Variants in DOCK5 observed in about 807,000 individuals in gnomAD.
The protein encoded by DOCK5 is dedicator of cytokinesis protein 5.
In DOCK5, 142 loss-of-function variants were observed where a neutral mutation model predicts 251.8. That is an observed-to-expected ratio of 0.56 (90% confidence interval 0.49 to 0.65). The LOEUF (loss-of-function observed/expected upper bound fraction) is 0.65, where lower values mean the gene tolerates loss of function less well. Ranked by LOEUF, DOCK5 falls within the 30% of genes least tolerant of loss-of-function variation. The pLI is 0.00. For missense variants in DOCK5, 2,111 were observed against 2,312.3 expected (o/e 0.91, Z 1.79); for synonymous variants, 842 against 835.5 (o/e 1.01, Z -0.13).
intron 47 of DOCK5, among the ~76,000 whole-genome samples, chr8:25,402,432 G>A (rs1445689698): frequency 6.6e-6 from 1 of 152,126 alleles, no homozygotes; most frequent in African/African-American, 2.4e-5. Context: ...GAGTAGCTGG[G>A]ACTACATGTG....
intron 37 of DOCK5, chr8:25,374,951 G>C: frequency 8.1e-7 from 1 of 1,228,042 alleles, no homozygotes; most frequent in African/African-American, 1.6e-5. Flanking sequence ...AAAAAAATTT[G>C]TAAAACTGCA....
At chr8:25,200,622 A>T (rs1336831526) in intron 1 of DOCK5, among the ~76,000 whole-genome samples, 1 of 152,224 alleles carries the variant, frequency 6.6e-6, no homozygotes, top group East Asian at 1.9e-4. Flanking sequence ...AAAACAGTGG[A>T]AGCTCTTAGA....
rs1044211209 is a variant in DOCK5, at chr8:25,375,558, C to G, written c.3816+904C>G. ...CTAGCCAATCCACTTTTCTTTATCT[C>G]CCTGACTACCACCTTGGTCCATCCC... On this transcript the variant is annotated intron_variant, in intron 37 of 51. Transcript: ENST00000276440. 2.7e-5 allele frequency: 11 copies of G among 404,142 alleles called. No homozygotes were observed. In the South Asian group the frequency reaches 3.2e-4, roughly 12 times the overall value. The allele number at this position is 404,142 out of a possible 1,614,324, so 25.0% of individuals were successfully genotyped here.
rs1026013383 is a variant in DOCK5 at position 25,304,449 on chromosome 8, A to G, written c.1049+122A>G. The G allele has an allele frequency of 2.3e-5, 19 of 829,216 alleles. No individual in the cohort carries two copies. The Middle Eastern group carries it at 3.5e-3, about 152-fold the overall frequency. The allele number at this position is 829,216 out of a possible 1,614,324, so 51.4% of individuals were successfully genotyped here. A position where few individuals can be genotyped will look rare whatever the true frequency, so the allele number is the denominator to read the frequency against. On this transcript the variant is annotated intron_variant, in intron 11 of 51. Transcript: ENST00000276440. ...AGAGAAGGAAAGATTCTAAGCTGCAAGATTGTCAGATAGGAGCTGAACAGA... is the reference window on the plus strand; with the variant it reads ...AGAGAAGGAAAGATTCTAAGCTGCAGGATTGTCAGATAGGAGCTGAACAGA...
At chr8:25,252,811 C>T (rs897732356) in intron 2 of DOCK5, among the ~76,000 whole-genome samples, 1 of 152,130 alleles carries the variant, frequency 6.6e-6, no homozygotes, top group African/African-American at 2.4e-5. Context: ...TTTCAGTATG[C>T]TTCTAAAATT....
At chr8:25,325,238 A>G (rs1324241857) in intron 17 of DOCK5, 126 bp from the exon 18 acceptor site, 1 of 929,864 alleles carries the variant, frequency 1.1e-6, no homozygotes, top group East Asian at 2.5e-5. Flanking sequence ...CAGAGGTGGA[A>G]GGGATCTTCA....
At chr8:25,291,199 A>C (rs1804476258) in intron 5 of DOCK5, among the ~76,000 whole-genome samples, 1 of 152,130 alleles carries the variant, frequency 6.6e-6, no homozygotes, top group Non-Finnish European at 1.5e-5. Flanking sequence ...CTAGAGTTTT[A>C]GGGTACATGG....
intron 26 of DOCK5, among the ~76,000 whole-genome samples, chr8:25,350,621 A>G (rs1267803204): frequency 6.6e-6 from 1 of 152,188 alleles, no homozygotes; most frequent in African/African-American, 2.4e-5. Context: ...AACAACAGAC[A>G]TTTATTTTCT....
At chr8:25,362,112 C>T (rs1234357310) in intron 28 of DOCK5, among the ~76,000 whole-genome samples, 1 of 152,180 alleles carries the variant, frequency 6.6e-6, no homozygotes, top group Non-Finnish European at 1.5e-5. Flanking sequence ...TCATCACCAG[C>T]CACTGTTACG....
rs567284315 is a variant in DOCK5, at chr8:25,238,989, T to G, written c.44-4685T>G. Among the ~76,000 whole-genome samples, 6 of 152,184 alleles carry G rather than the reference T, an allele frequency of 3.9e-5. 1 individual carries two copies. In the South Asian group the frequency reaches 1.2e-3, roughly 32 times the overall value. ...CTATGATTAAAAACCCAAACTGCGC[T>G]GGAAGGGAAAATTGTTGTGGAATGT... On this transcript the variant is annotated intron_variant, in intron 1 of 51. Transcript: ENST00000276440.
intron 40 of DOCK5, among the ~76,000 whole-genome samples, chr8:25,387,135 CTT>C (rs759399201): frequency 1.1e-4 from 16 of 151,694 alleles, no homozygotes; most frequent in South Asian, 2.1e-4. Context: ...CTCATTATCT[CTT>C]TTGTTTCTGT....
chr8:25,202,007 T>C (rs1340655720), intron 1 of DOCK5, among the ~76,000 whole-genome samples: 1 of 151,950 alleles, frequency 6.6e-6, no homozygotes, highest in Non-Finnish European at 1.5e-5. Context: ...GAAAAAAACA[T>C]ATATATATAT....
chr8:25,379,622 A>T (rs564483267), intron 38 of DOCK5, among the ~76,000 whole-genome samples: 6 of 152,320 alleles, frequency 3.9e-5, no homozygotes, highest in African/African-American at 1.4e-4. Context: ...GGTGACGTAC[A>T]TCCTCAGCTT....
chr8:25,260,550 TTC>T (rs1232884936), intron 2 of DOCK5, among the ~76,000 whole-genome samples: 1 of 152,236 alleles, frequency 6.6e-6, no homozygotes, highest in East Asian at 1.9e-4. Flanking sequence ...CAGTAATTGC[TTC>T]TGAGTCTTCA....
chr8:25,373,748 G>A, intron 36 of DOCK5, 90 bp downstream of exon 36: 1 of 1,308,328 alleles, frequency 7.6e-7, no homozygotes, highest in Non-Finnish European at 1.1e-6. Context: ...CCAACACCGT[G>A]TTTGCTGCTT....
intron 1 of DOCK5, among the ~76,000 whole-genome samples, chr8:25,237,774 G>A (rs1802839764): frequency 1.3e-5 from 2 of 152,256 alleles, no homozygotes; most frequent in South Asian, 4.2e-4. Flanking sequence ...GTGCCTGCCG[G>A]TTCAAAAATG....
intron 39 of DOCK5, among the ~76,000 whole-genome samples, chr8:25,381,427 C>T (rs1467180115): frequency 2.0e-5 from 3 of 152,062 alleles, no homozygotes; most frequent in Non-Finnish European, 4.4e-5. Context: ...GACTTCCAGA[C>T]GAGTCTGAGC....
At chr8:25,188,417 G>C (rs1178278491) in intron 1 of DOCK5, among the ~76,000 whole-genome samples, 3 of 152,224 alleles carry the variant, frequency 2.0e-5, no homozygotes, top group Non-Finnish European at 4.4e-5. Flanking sequence ...CTCAGAGCTA[G>C]CTATGACTTT....
chr8:25,377,100 G>A (rs1005850839), intron 37 of DOCK5, among the ~76,000 whole-genome samples: 2 of 152,186 alleles, frequency 1.3e-5, no homozygotes, highest in African/African-American at 4.8e-5. Context: ...GGCATTTTGG[G>A]GGGATGCTGT....
Sources: allele counts gnomAD v4.1 joint callset (sites outside exome capture counted in the v4.1 genomes callset), GRCh38; gene constraint gnomAD v4.1.1; transcripts MANE v1.5; gene names NCBI Gene and HGNC (gene_info 2026-07-23, HGNC 2026-07-21).